The following GNB1L variants were observed in gnomAD, a reference collection of about 807,000 sequenced individuals.
GNB1L encodes G protein subunit beta 1 like, also known as guanine nucleotide-binding protein subunit beta-like protein 1.
GNB1L carries 20 observed loss-of-function variants against 29.1 expected under a neutral mutation model. That is an observed-to-expected ratio of 0.69 (90% CI 0.48 to 1.00). GNB1L has a LOEUF of 1.00. GNB1L is among the 50% of genes least tolerant of loss of function. The pLI, the probability that GNB1L is intolerant of heterozygous loss-of-function variation, is 0.00. For synonymous variants in GNB1L, 193 were observed against 206.5 expected (o/e 0.93, Z 0.56); for missense variants, 421 against 464.9 (o/e 0.91, Z 0.87).
At chr22:19,831,618 G>A (rs553207079) in intron 2 of GNB1L, among the ~76,000 whole-genome samples, 1 of 151,616 alleles carries the variant, frequency 6.6e-6, no homozygotes, top group African/African-American at 2.4e-5. Flanking sequence ...GTGAACCCGG[G>A]AGGCGGAGCT....
intron 2 of GNB1L, chr22:19,849,252 C>G (rs1485945745): frequency 1.0e-6 from 1 of 984,994 alleles, no homozygotes; most frequent in Non-Finnish European, 1.2e-6. Flanking sequence ...TACAAGGTAT[C>G]TGTGCCCTGA....
In GNB1L at chr22:19,849,915, C is replaced by T. The variant is rs576515080; in HGVS notation, c.-21+4528G>A. 8 of 985,534 alleles carry T rather than the reference C, an allele frequency of 8.1e-6. No homozygotes were observed. The East Asian group carries it at 4.5e-4, about 56-fold the overall frequency. 61.0% of individuals were successfully genotyped at this position (985,534 alleles called of 1,614,324 possible). On this transcript the variant is annotated intron_variant, in intron 2 of 7. Coordinates refer to ENST00000329517, the MANE Select transcript of GNB1L (RefSeq NM_053004.3). ...AAACTTGGCTCCAGGAGCTTCCAAG[C>T]TCAGCTTCCACTAGAAAACCCCTCC...
At chr22:19,790,068 AAAC>A (rs1415163038) in intron 7 of GNB1L, among the ~76,000 whole-genome samples, 2 of 152,200 alleles carry the variant, frequency 1.3e-5, no homozygotes, top group African/African-American at 4.8e-5. Context: ...TCAATTATAA[AAAC>A]AACAGACCAA....
chr22:19,828,106 T>C (rs1423573431), intron 2 of GNB1L, among the ~76,000 whole-genome samples: 2 of 152,340 alleles, frequency 1.3e-5, no homozygotes, highest in East Asian at 3.9e-4. Flanking sequence ...TCACAACACG[T>C]ATCTGTTCAA....
At chr22:19,806,872 C>T in intron 5 of GNB1L, 115 bp from the exon 6 acceptor site, 1 of 797,226 alleles carries the variant, frequency 1.3e-6, no homozygotes, top group Non-Finnish European at 2.1e-6. Flanking sequence ...GTCTGCTCCC[C>T]TCCCCGTGGG....
chr22:19,852,138 G>T, intron 2 of GNB1L: 1 of 1,614,180 alleles, frequency 6.2e-7, no homozygotes, highest in Non-Finnish European at 8.5e-7. Context: ...GGATCCACAA[G>T]GGGGGTGTAT....
In GNB1L at chr22:19,812,352, C is replaced by T. The variant is rs199848540; in HGVS notation, c.350G>A (p.Arg117Gln). ...SVCLESVGFC[R>Q]SSILAGGQPR... ...CTGGCCCCCGGCCAGGATGCTGCTC[C>T]GGCAGAAGCCCACACTCTCCAAGCA... The change falls in exon 5 of 8, where the codon CGG (arginine) becomes CAG (glutamine). Residue 117 changes from arginine to glutamine, a missense_variant. Physicochemically the swap from Arg to Gln is conservative, Grantham distance 43. Coordinates refer to ENST00000329517, the MANE Select transcript of GNB1L (RefSeq NM_053004.3). 52 of 1,613,186 alleles carry T rather than the reference C, an allele frequency of 3.2e-5. No homozygotes were observed. Among genetic ancestry groups the T allele is most frequent in the East Asian group, 2.5e-4 (11 of 44,872 alleles).
At chr22:19,817,524 G>A (rs994203223) in intron 4 of GNB1L, among the ~76,000 whole-genome samples, 1 of 152,210 alleles carries the variant, frequency 6.6e-6, no homozygotes, top group Non-Finnish European at 1.5e-5. Flanking sequence ...AGCGACAGCT[G>A]ACTGCAGCTA....
Position 19,788,908 on chromosome 22 carries a change from C to G in GNB1L, c.785G>C (p.Arg262Pro). The G allele has an allele frequency of 2.5e-6, 4 of 1,612,042 alleles. No homozygotes were observed. The highest frequency in any genetic ancestry group is 3.4e-6 in the Non-Finnish European group (4 of 1,179,256). Reference sequence around the variant, plus strand: ...GGTGGCCAGGATCTTGCGATCTGGCCGGATCGTGACCTCGGCGATCCCGGG... The same window carrying G: ...GGTGGCCAGGATCTTGCGATCTGGCGGGATCGTGACCTCGGCGATCCCGGG... ...TNPGIAEVTIRPDRKILATAG... is the reference protein window; with the variant it reads ...TNPGIAEVTIPPDRKILATAG... The change falls in exon 8 of 8, where the codon CGG (arginine) becomes CCG (proline). Residue 262 changes from arginine (R) to proline (P), a missense_variant. Transcript: ENST00000329517.
intron 2 of GNB1L, among the ~76,000 whole-genome samples, chr22:19,825,331 C>G (rs1275170564): frequency 1.3e-5 from 2 of 152,228 alleles, no homozygotes; most frequent in Non-Finnish European, 2.9e-5. Flanking sequence ...ATAAAAGTTT[C>G]TTAGAAGGCC....
At chr22:19,791,182 G>A (rs1233472083) in intron 7 of GNB1L, among the ~76,000 whole-genome samples, 2 of 152,182 alleles carry the variant, frequency 1.3e-5, no homozygotes, top group African/African-American at 4.8e-5. Context: ...GCAGTGAGCT[G>A]TGATCACACC....
chr22:19,845,329 AC>A (rs1937937640), intron 2 of GNB1L, among the ~76,000 whole-genome samples: 1 of 152,232 alleles, frequency 6.6e-6, no homozygotes, highest in South Asian at 2.1e-4. Context: ...CTGCAGGTGG[AC>A]CCCTCACTGA....
chr22:19,835,017 G>A (rs111428755), intron 2 of GNB1L, among the ~76,000 whole-genome samples: 11 of 152,166 alleles, frequency 7.2e-5, no homozygotes, highest in African/African-American at 2.7e-4. Flanking sequence ...ATATTATCAC[G>A]GACAAGAAGA....
In GNB1L at chr22:19,788,624, GC is replaced by G; in HGVS notation, c.*84del. ...GGCCATGACTTGCTGGTCCTCAGAG[GC>G]CCTTGAGGTTTCAGGCCAAGGCTGG... On this transcript the variant is annotated 3_prime_UTR_variant, in exon 8 of 8. Coordinates refer to ENST00000329517, the MANE Select transcript of GNB1L (RefSeq NM_053004.3). The G allele has an allele frequency of 6.6e-7, 1 of 1,522,738 alleles. No homozygotes were observed. Among genetic ancestry groups the G allele is most frequent in the South Asian group, 1.1e-5 (1 of 89,310 alleles). 94.3% of individuals were successfully genotyped at this position (1,522,738 alleles called of 1,614,324 possible). A position where few individuals can be genotyped will look rare whatever the true frequency, so the allele number is the denominator to read the frequency against.
chr22:19,802,891 A>G (rs182068882), intron 6 of GNB1L, among the ~76,000 whole-genome samples: 4 of 152,356 alleles, frequency 2.6e-5, no homozygotes, highest in African/African-American at 9.6e-5. Flanking sequence ...AGCCTCTGGA[A>G]TAATTGCAGG....
At chr22:19,845,188 C>G (rs1937934412) in intron 2 of GNB1L, among the ~76,000 whole-genome samples, 1 of 152,230 alleles carries the variant, frequency 6.6e-6, no homozygotes, top group Non-Finnish European at 1.5e-5. Context: ...TCATCAACTC[C>G]CGACCACCCA....
intron 2 of GNB1L, chr22:19,848,188 C>G (rs747611963): frequency 2.0e-6 from 2 of 985,378 alleles, no homozygotes; most frequent in Middle Eastern, 5.2e-4. Flanking sequence ...TCACAGCACC[C>G]ATCATGTCCT....
chr22:19,802,055 G>A lies in GNB1L; in HGVS notation c.678C>T (p.Gly226=). ...FDSQKARGIS[G]SAGKALAVWS... ...AGACAGCCAGCGCCTTCCCCGCGGA[G>A]CCTGAGATGCCCCTGGCCTTCTGGG... Residue 226 remains glycine, a synonymous_variant, in exon 7 of 8, where the codon GGC becomes GGT. Coordinates refer to ENST00000329517, the MANE Select transcript of GNB1L (RefSeq NM_053004.3). 6.2e-7 allele frequency: 1 copy of A among 1,612,368 alleles called. No homozygotes were observed. Among genetic ancestry groups the A allele is most frequent in the South Asian group, 1.1e-5 (1 of 90,848 alleles).
At chr22:19,847,656 G>T (rs150981910) in intron 2 of GNB1L, 30,152 of 984,840 alleles carry the variant, frequency 0.031, 514 homozygotes, top group Non-Finnish European at 0.034. Flanking sequence ...CATGCACCTA[G>T]CAAGTAGTCA....
Sources: gnomAD v4.1 joint callset for allele counts (sites outside exome capture counted in the v4.1 genomes callset) on GRCh38, gnomAD v4.1.1 for gene constraint, MANE v1.5 for transcripts, NCBI Gene and HGNC (gene_info 2026-07-23, HGNC 2026-07-21) for gene names.